DPF3: variants seen among roughly 807,000 people sequenced by gnomAD.
DPF3 encodes double PHD fingers 3.
In DPF3, 18 loss-of-function variants were observed where a neutral mutation model predicts 56.8. The observed-to-expected ratio is 0.32, with a 90% confidence interval of 0.22 to 0.47. The LOEUF (loss-of-function observed/expected upper bound fraction) is 0.47, where lower values mean the gene tolerates loss of function less well. Among genes scored for constraint, DPF3 ranks in the 20% least tolerant of loss-of-function variants. DPF3 has a pLI of 1.00. For missense variants in DPF3, 403 were observed against 488.8 expected (o/e 0.82, Z 1.65); for synonymous variants, 188 against 180.2 (o/e 1.04, Z -0.35).
At chr14:72,801,995 G>T (rs1376629003) in intron 1 of DPF3, among the ~76,000 whole-genome samples, 1 of 152,300 alleles carries the variant, frequency 6.6e-6, no homozygotes, top group Non-Finnish European at 1.5e-5. Context: ...CACCTTTGGG[G>T]TGACTCAGAG....
At chr14:72,800,592 G>A (rs1194959878) in intron 1 of DPF3, among the ~76,000 whole-genome samples, 1 of 152,060 alleles carries the variant, frequency 6.6e-6, no homozygotes, top group Non-Finnish European at 1.5e-5. Flanking sequence ...ATGGATGGAT[G>A]TGTGCATGAA....
intron 1 of DPF3, among the ~76,000 whole-genome samples, chr14:72,781,965 T>C (rs1317360135): frequency 6.6e-6 from 1 of 152,148 alleles, no homozygotes; most frequent in Non-Finnish European, 1.5e-5. Context: ...ATTTTTAGTT[T>C]CCTGGTCCAC....
intron 8 of DPF3, among the ~76,000 whole-genome samples, chr14:72,651,827 G>C (rs1885918183): frequency 6.6e-6 from 1 of 152,196 alleles, no homozygotes; most frequent in African/African-American, 2.4e-5. Context: ...GAGCTGCCCA[G>C]CATGGGGCAG....
chr14:72,879,658 G>A (rs1886250909), intron 1 of DPF3: 1 of 1,002,062 alleles, frequency 1.0e-6, no homozygotes, highest in Admixed American at 3.0e-5. Context: ...CGCCTGCCCA[G>A]AGGAAACCGC....
intron 8 of DPF3, among the ~76,000 whole-genome samples, chr14:72,655,789 C>T (rs889485862): frequency 6.6e-6 from 1 of 152,202 alleles, no homozygotes; most frequent in African/African-American, 2.4e-5. Flanking sequence ...ATCTTCTCCA[C>T]GTCTCCCCAC....
At chr14:72,730,107 A>G (rs1035868574) in intron 4 of DPF3, among the ~76,000 whole-genome samples, 1 of 151,978 alleles carries the variant, frequency 6.6e-6, no homozygotes, top group African/African-American at 2.4e-5. Context: ...ACTGCCCCTC[A>G]AGCACTATCA....
chr14:72,731,234 G>A (rs1357598770), intron 4 of DPF3, among the ~76,000 whole-genome samples: 2 of 152,154 alleles, frequency 1.3e-5, no homozygotes, highest in East Asian at 3.9e-4. Context: ...CCTATTCAGT[G>A]AGAGTTTTAG....
intron 6 of DPF3, among the ~76,000 whole-genome samples, chr14:72,708,595 A>T (rs1480158272): frequency 2.6e-5 from 4 of 152,148 alleles, no homozygotes; most frequent in South Asian, 2.1e-4. Flanking sequence ...CCTCAAAAAA[A>T]TTTTTTTCTT....
chr14:72,861,921 T>C (rs1885455347), intron 1 of DPF3, among the ~76,000 whole-genome samples: 1 of 152,218 alleles, frequency 6.6e-6, no homozygotes, highest in Non-Finnish European at 1.5e-5. Flanking sequence ...ATATTACTTG[T>C]GGATTTACCA....
chr14:72,683,597 A>T (rs1887264931), intron 7 of DPF3, among the ~76,000 whole-genome samples: 1 of 152,170 alleles, frequency 6.6e-6, no homozygotes, highest in Admixed American at 6.5e-5. Flanking sequence ...TATGCAGCTC[A>T]GCTAAGGTCA....
intron 1 of DPF3, among the ~76,000 whole-genome samples, chr14:72,774,952 T>C (rs971101994): frequency 1.4e-4 from 21 of 152,220 alleles, no homozygotes; most frequent in African/African-American, 5.1e-4. Flanking sequence ...GCTATGGCGA[T>C]GTAGCTCAGT....
At chr14:72,775,939 T>C (rs1047900521) in intron 1 of DPF3, among the ~76,000 whole-genome samples, 1 of 151,582 alleles carries the variant, frequency 6.6e-6, no homozygotes, top group Non-Finnish European at 1.5e-5. Context: ...TAGAAAGCAA[T>C]TTAAACAGCA....
At chr14:72,802,015 C>CA (rs1375123779) in intron 1 of DPF3, among the ~76,000 whole-genome samples, 1 of 152,174 alleles carries the variant, frequency 6.6e-6, no homozygotes, top group African/African-American at 2.4e-5. Context: ...GCCAAGAAAA[C>CA]AAAGGCATGG....
chr14:72,773,733 G>A lies in DPF3; in HGVS notation c.33-1840C>T, dbSNP rs117976613. On this transcript the variant is annotated intron_variant, in intron 1 of 10. Coordinates refer to ENST00000556509, the MANE Select transcript of DPF3 (RefSeq NM_001280542.3). ...AGTCATACAGTATTTGTCTTTTTGTGACTGGCTTATTTGACTTAGCATAAT... is the reference window on the plus strand; with the variant it reads ...AGTCATACAGTATTTGTCTTTTTGTAACTGGCTTATTTGACTTAGCATAAT... 2.2e-3 allele frequency: 970 copies of A among 432,466 alleles called. 30 individuals are homozygous for A. In the East Asian group the frequency reaches 0.06, roughly 27 times the overall value. 26.8% of individuals were successfully genotyped at this position (432,466 alleles called of 1,614,324 possible).
At chr14:72,789,292 CT>C (rs776852101) in intron 1 of DPF3, among the ~76,000 whole-genome samples, 2 of 152,160 alleles carry the variant, frequency 1.3e-5, no homozygotes, top group Non-Finnish European at 2.9e-5. Flanking sequence ...GATGCTACTA[CT>C]ACCCCTCATT....
Position 72,860,354 on chromosome 14 carries a change from G to A in DPF3, c.32+33703C>T, listed in dbSNP as rs188344989. Among the ~76,000 whole-genome samples the A allele has an allele frequency of 2.6e-3, 388 of 151,634 alleles. 3 individuals are homozygous for A. Among genetic ancestry groups the A allele is most frequent in the African/African-American group, 8.8e-3 (364 of 41,292 alleles). ...CAAGCCAACATGCCTGTCTTATTTT[G>A]TTTTACTTTTTGTAGAGACAATGTC... On this transcript the variant is annotated intron_variant, in intron 1 of 10. Transcript: ENST00000556509.
intron 1 of DPF3, among the ~76,000 whole-genome samples, chr14:72,890,277 G>A (rs1456536712): frequency 6.6e-6 from 1 of 152,026 alleles, no homozygotes; most frequent in African/African-American, 2.4e-5. Flanking sequence ...GATCACTTGA[G>A]GCCACGAGTT....
At chr14:72,670,817 C>T in intron 8 of DPF3, 1 of 1,115,710 alleles carries the variant, frequency 9.0e-7, no homozygotes, top group Non-Finnish European at 1.1e-6. Context: ...AAAAAGACCC[C>T]CTCCCCTCAG....
At chr14:72,862,606 C>T (rs958520636) in intron 1 of DPF3, among the ~76,000 whole-genome samples, 1 of 152,128 alleles carries the variant, frequency 6.6e-6, no homozygotes, top group Non-Finnish European at 1.5e-5. Context: ...ATTCCTCCCA[C>T]TCCCTCTCAC....
Sources: allele counts gnomAD v4.1 joint callset (sites outside exome capture counted in the v4.1 genomes callset), GRCh38; gene constraint gnomAD v4.1.1; transcripts MANE v1.5; gene names NCBI Gene and HGNC (gene_info 2026-07-23, HGNC 2026-07-21).